Variants in ARHGAP24 observed in about 807,000 individuals in gnomAD.
The protein encoded by ARHGAP24 is Rho GTPase activating protein 24.
In ARHGAP24, 50 loss-of-function variants were observed where a neutral mutation model predicts 76.4. The ratio of observed to expected loss-of-function variants is 0.65; its 90% confidence interval spans 0.52 to 0.83. The LOEUF (loss-of-function observed/expected upper bound fraction) is 0.83, where lower values mean the gene tolerates loss of function less well. Among genes scored for constraint, ARHGAP24 ranks in the 40% least tolerant of loss-of-function variants. ARHGAP24 has a pLI of 0.00. For missense variants in ARHGAP24, 930 were observed against 914.2 expected, an observed-to-expected ratio of 1.02 and a Z score of -0.22; for synonymous variants, 345 against 323.3, an observed-to-expected ratio of 1.07 and a Z score of -0.72.
At chr4:85,887,398 A>G (rs1733622741) in intron 3 of ARHGAP24, among the ~76,000 whole-genome samples, 1 of 152,132 alleles carries the variant, frequency 6.6e-6, no homozygotes, top group South Asian at 2.1e-4. Flanking sequence ...GAGGTATACC[A>G]AATTTTGATA....
chr4:85,665,145 G>C (rs962408977), intron 2 of ARHGAP24, among the ~76,000 whole-genome samples: 2 of 152,134 alleles, frequency 1.3e-5, no homozygotes, highest in African/African-American at 4.8e-5. Context: ...TTGTGTGGGA[G>C]TCTAAGTTTC....
chr4:85,850,895 C>T (rs1441539447), intron 3 of ARHGAP24, among the ~76,000 whole-genome samples: 2 of 152,050 alleles, frequency 1.3e-5, no homozygotes, highest in East Asian at 1.9e-4. Flanking sequence ...GGAAGAAGTG[C>T]AATGTGATGC....
intron 1 of ARHGAP24, among the ~76,000 whole-genome samples, chr4:85,487,374 T>C (rs1399791170): frequency 8.7e-6 from 1 of 114,636 alleles, no homozygotes; most frequent in African/African-American, 3.6e-5. Context: ...TATAAATATA[T>C]ATTTATATAT....
At chr4:85,690,745 A>G (rs6531851) in intron 2 of ARHGAP24, among the ~76,000 whole-genome samples, 56,998 of 140,932 alleles carry the variant, frequency 0.4, 13,617 homozygotes, top group African/African-American at 0.67. Context: ...CTAGCCAGTG[A>G]TCTGTCAATC....
intron 1 of ARHGAP24, among the ~76,000 whole-genome samples, chr4:85,566,251 G>T (rs73835218): frequency 0.019 from 2,885 of 152,232 alleles, 93 homozygotes; most frequent in African/African-American, 0.066. Context: ...AGCTACCATG[G>T]CCTGACTTCA....
At chr4:85,932,405 C>T (rs346500) in intron 4 of ARHGAP24, among the ~76,000 whole-genome samples, 95,650 of 150,058 alleles carry the variant, frequency 0.64, 32,015 homozygotes, top group East Asian at 0.88. Context: ...CATGAGATGT[C>T]TGGAGGATTA....
At chr4:85,921,805 C>A (rs1413438533) in intron 3 of ARHGAP24, among the ~76,000 whole-genome samples, 1 of 152,140 alleles carries the variant, frequency 6.6e-6, no homozygotes, top group East Asian at 1.9e-4. Context: ...CAGGAGCAAA[C>A]CCTGTTGTGA....
intron 3 of ARHGAP24, among the ~76,000 whole-genome samples, chr4:85,865,560 A>G (rs939429219): frequency 1.2e-4 from 18 of 147,806 alleles, no homozygotes; most frequent in Non-Finnish European, 1.5e-5. Context: ...TTATTATAAA[A>G]TAATTATATA....
intron 3 of ARHGAP24, among the ~76,000 whole-genome samples, chr4:85,865,683 T>C (rs1732160652): frequency 6.6e-6 from 1 of 151,174 alleles, no homozygotes; most frequent in Admixed American, 6.6e-5. Context: ...GAAGTAAGCA[T>C]GGAATATTGA....
At chr4:85,536,637 C>T (rs1398049463) in intron 1 of ARHGAP24, among the ~76,000 whole-genome samples, 1 of 151,986 alleles carries the variant, frequency 6.6e-6, no homozygotes, top group East Asian at 1.9e-4. Context: ...AGTGTTCAGA[C>T]AACAAAAATT....
At chr4:85,673,403 T>C (rs1300519256) in intron 2 of ARHGAP24, among the ~76,000 whole-genome samples, 1 of 152,112 alleles carries the variant, frequency 6.6e-6, no homozygotes, top group Non-Finnish European at 1.5e-5. Context: ...GACAGCTGAA[T>C]TTTATGATAT....
chr4:85,865,330 T>C (rs1158560313), intron 3 of ARHGAP24, among the ~76,000 whole-genome samples: 1 of 151,778 alleles, frequency 6.6e-6, no homozygotes, highest in African/African-American at 2.4e-5. Flanking sequence ...TGTTCTTGGC[T>C]GGCTAACTCC....
chr4:85,574,689 C>G (rs775634888), intron 2 of ARHGAP24, among the ~76,000 whole-genome samples: 12 of 152,192 alleles, frequency 7.9e-5, no homozygotes, highest in Non-Finnish European at 1.8e-4. Flanking sequence ...GGAATCATGA[C>G]AGTTGTTTCC....
chr4:85,640,993 TATTA>T (rs1721498617), intron 2 of ARHGAP24, among the ~76,000 whole-genome samples: 3 of 145,722 alleles, frequency 2.1e-5, no homozygotes, highest in East Asian at 1.9e-4. Flanking sequence ...TTAATTAAGT[TATTA>T]ATTAAAATAA....
At chr4:85,795,497 T>C (rs1728307473) in intron 3 of ARHGAP24, among the ~76,000 whole-genome samples, 1 of 149,834 alleles carries the variant, frequency 6.7e-6, no homozygotes, top group African/African-American at 2.6e-5. Flanking sequence ...ATTTTAATTA[T>C]TTGGAAATTT....
At chr4:85,639,970 C>G (rs1289879695) in intron 2 of ARHGAP24, among the ~76,000 whole-genome samples, 1 of 152,112 alleles carries the variant, frequency 6.6e-6, no homozygotes, top group Non-Finnish European at 1.5e-5. Flanking sequence ...TTGTCTGTAT[C>G]CTGATGCTTT....
chr4:85,809,116 C>T (rs761423440), intron 3 of ARHGAP24, among the ~76,000 whole-genome samples: 4 of 152,096 alleles, frequency 2.6e-5, no homozygotes, highest in African/African-American at 9.7e-5. Context: ...GTCAACTGGT[C>T]TAGGATAGAA....
intron 2 of ARHGAP24, among the ~76,000 whole-genome samples, chr4:85,659,130 G>A (rs1722288324): frequency 6.6e-6 from 1 of 152,152 alleles, no homozygotes; most frequent in Non-Finnish European, 1.5e-5. Flanking sequence ...GTAGAAGCCG[G>A]GGTGCAGTTA....
At chr4:85,665,282 C>T (rs999826293) in intron 2 of ARHGAP24, among the ~76,000 whole-genome samples, 23 of 152,152 alleles carry the variant, frequency 1.5e-4, no homozygotes, top group Non-Finnish European at 3.1e-4. Flanking sequence ...CCTTCTTTGT[C>T]TCTTTTGATC....
Sources: allele counts gnomAD v4.1 joint callset (sites outside exome capture counted in the v4.1 genomes callset), GRCh38; gene constraint gnomAD v4.1.1; transcripts MANE v1.5; gene names NCBI Gene and HGNC (gene_info 2026-07-23, HGNC 2026-07-21).